KATNIP: variants seen among roughly 807,000 people sequenced by gnomAD.
KATNIP encodes the protein katanin-interacting protein.
A neutral mutation model predicts 174.0 loss-of-function variants in KATNIP; 126 were observed. That is an observed-to-expected ratio of 0.72 (90% CI 0.63 to 0.84). The LOEUF is 0.84. KATNIP is among the 40% of genes least tolerant of loss of function. The pLI, the probability that KATNIP is intolerant of heterozygous loss-of-function variation, is 0.00. For missense variants in KATNIP, 1,958 were observed against 2,109.7 expected (o/e 0.93, Z 1.41); for synonymous variants, 810 against 835.7 (o/e 0.97, Z 0.53).
intron 5 of KATNIP, among the ~76,000 whole-genome samples, chr16:27,644,820 T>C (rs557191747): frequency 2.2e-4 from 34 of 152,168 alleles, no homozygotes; most frequent in Non-Finnish European, 4.3e-4. Flanking sequence ...CTAAATACCC[T>C]TGAGTACCCC....
intron 2 of KATNIP, among the ~76,000 whole-genome samples, chr16:27,574,793 A>ACGTCAGGTGATCT (rs11272755): frequency 6.6e-6 from 1 of 151,696 alleles, no homozygotes; most frequent in Non-Finnish European, 1.5e-5. Context: ...CGAACTCCCG[A>ACGTCAGGTGATCT]GCCCGCCTCA....
chr16:27,585,764 G>A (rs1330558769), intron 2 of KATNIP, among the ~76,000 whole-genome samples: 2 of 152,152 alleles, frequency 1.3e-5, no homozygotes, highest in African/African-American at 2.4e-5. Context: ...CAGAGGCTAC[G>A]GAGGGTGGCA....
At chr16:27,571,718 C>CT (rs1446022812) in intron 1 of KATNIP, among the ~76,000 whole-genome samples, 1 of 152,272 alleles carries the variant, frequency 6.6e-6, no homozygotes, top group African/African-American at 2.4e-5. Context: ...ACACCCCAGT[C>CT]TGTCAGTGGC....
At chr16:27,594,468 G>A (rs1376195071) in intron 2 of KATNIP, among the ~76,000 whole-genome samples, 1 of 152,054 alleles carries the variant, frequency 6.6e-6, no homozygotes, top group Non-Finnish European at 1.5e-5. Flanking sequence ...CAAGGGCTCT[G>A]AGATTCCTGG....
At chr16:27,623,132 C>T (rs899693712) in intron 3 of KATNIP, among the ~76,000 whole-genome samples, 1 of 152,162 alleles carries the variant, frequency 6.6e-6, no homozygotes, top group African/African-American at 2.4e-5. Flanking sequence ...CCCCCAGTTG[C>T]GAGCCAGTGC....
At chr16:27,661,052 C>CA (rs2077460078) in intron 6 of KATNIP, among the ~76,000 whole-genome samples, 1 of 152,196 alleles carries the variant, frequency 6.6e-6, no homozygotes, top group South Asian at 2.1e-4. Context: ...CAAGGGACTT[C>CA]AGTCATCACA....
chr16:27,645,460 C>T (rs1362278735), intron 5 of KATNIP, among the ~76,000 whole-genome samples: 1 of 152,150 alleles, frequency 6.6e-6, no homozygotes, highest in African/African-American at 2.4e-5. Flanking sequence ...ACAGGAGCCA[C>T]GGTAACAGAA....
intron 8 of KATNIP, 99 bp from the exon 9 acceptor site, chr16:27,698,229 G>A: frequency 7.9e-7 from 1 of 1,270,486 alleles, no homozygotes; most frequent in Non-Finnish European, 1.1e-6. Context: ...GTATGGGCCA[G>A]TTGTTTTATA....
chr16:27,583,630 C>T (rs1440249871), intron 2 of KATNIP, among the ~76,000 whole-genome samples: 1 of 152,242 alleles, frequency 6.6e-6, no homozygotes, highest in Non-Finnish European at 1.5e-5. Context: ...TTTCCCCTCT[C>T]TGAGCCCGTA....
At chr16:27,556,374 G>A (rs377505963) in intron 1 of KATNIP, among the ~76,000 whole-genome samples, 1 of 152,038 alleles carries the variant, frequency 6.6e-6, no homozygotes, top group African/African-American at 2.4e-5. Context: ...TGTTAAAGTT[G>A]AATTTTCCCC....
At chr16:27,601,647 C>A (rs2141945706) in intron 2 of KATNIP, among the ~76,000 whole-genome samples, 1 of 152,258 alleles carries the variant, frequency 6.6e-6, no homozygotes, top group East Asian at 1.9e-4. Flanking sequence ...CCAGAAGGAC[C>A]ATGTGGCTAT....
At chr16:27,765,598 C>T (rs2082094029) in intron 19 of KATNIP, among the ~76,000 whole-genome samples, 1 of 152,228 alleles carries the variant, frequency 6.6e-6, no homozygotes, top group Admixed American at 6.5e-5. Flanking sequence ...CTCTCTCCCC[C>T]AGCATGGGAA....
chr16:27,617,469 A>G (rs2076074207), intron 2 of KATNIP, among the ~76,000 whole-genome samples: 1 of 152,230 alleles, frequency 6.6e-6, no homozygotes, highest in Non-Finnish European at 1.5e-5. Context: ...GACTGGGGGA[A>G]GCCCTATGTT....
chr16:27,601,238 C>A (rs932483617), intron 2 of KATNIP, among the ~76,000 whole-genome samples: 1 of 152,174 alleles, frequency 6.6e-6, no homozygotes, highest in Non-Finnish European at 1.5e-5. Context: ...AGCAAGCTCG[C>A]ATTGTCCCTG....
intron 14 of KATNIP, among the ~76,000 whole-genome samples, chr16:27,724,560 GGCT>G (rs914164833): frequency 1.3e-5 from 2 of 152,168 alleles, no homozygotes; most frequent in African/African-American, 4.8e-5. Flanking sequence ...GGGAGCTGTT[GGCT>G]GCAGGGATTT....
chr16:27,759,207 C>T (rs1244626198), intron 18 of KATNIP, among the ~76,000 whole-genome samples: 2 of 152,156 alleles, frequency 1.3e-5, no homozygotes, highest in African/African-American at 2.4e-5. Flanking sequence ...AGGGAACTTC[C>T]GTCTTAGTGG....
At chr16:27,579,413 G>T (rs777112796) in intron 2 of KATNIP, among the ~76,000 whole-genome samples, 2 of 152,176 alleles carry the variant, frequency 1.3e-5, no homozygotes, top group African/African-American at 2.4e-5. Flanking sequence ...TTTGGAGAGG[G>T]TTAATACAGT....
chr16:27,739,689 G>C (rs1250680174), intron 14 of KATNIP, among the ~76,000 whole-genome samples: 3 of 152,208 alleles, frequency 2.0e-5, no homozygotes, highest in African/African-American at 7.2e-5. Flanking sequence ...GATTTGCTCT[G>C]GTAGGAAATG....
intron 19 of KATNIP, among the ~76,000 whole-genome samples, chr16:27,762,241 A>T (rs2081980535): frequency 6.6e-6 from 1 of 152,198 alleles, no homozygotes; most frequent in Non-Finnish European, 1.5e-5. Context: ...GGGAGTTCAA[A>T]TCCCGCCTCT....
Sources: allele counts gnomAD v4.1 joint callset (sites outside exome capture counted in the v4.1 genomes callset), GRCh38; gene constraint gnomAD v4.1.1; transcripts MANE v1.5; gene names NCBI Gene and HGNC (gene_info 2026-07-23, HGNC 2026-07-21).